The following GNL3 variants were observed in gnomAD, a reference collection of about 807,000 sequenced individuals.
GNL3 encodes the protein guanine nucleotide-binding protein-like 3.
GNL3 carries 77 observed loss-of-function variants against 70.6 expected under a neutral mutation model. The ratio of observed to expected loss-of-function variants is 1.09; its 90% CI spans 0.91 to 1.32. The LOEUF is 1.32. GNL3 is among the 40% of genes most tolerant of loss of function. The pLI, the probability that GNL3 is intolerant of heterozygous loss-of-function variation, is 0.00. For synonymous variants in GNL3, 252 were observed against 216.1 expected, an observed-to-expected ratio of 1.17 and a Z score of -1.46; for missense variants, 634 against 644.0, an observed-to-expected ratio of 0.98 and a Z score of 0.17.
intron 8 of GNL3, 26 bp downstream of exon 8, chr3:52,691,097 C>CT: frequency 4.4e-6 from 7 of 1,605,298 alleles, no homozygotes; most frequent in Non-Finnish European, 6.0e-6. Context: ...TTACTTTTTA[C>CT]TTTTTAAGTG....
rs201972070 is a variant in GNL3, at chr3:52,690,931, A to G, written c.655-14A>G. 8.1e-6 allele frequency: 13 copies of G among 1,613,336 alleles called. No homozygotes were observed. The highest frequency in any genetic ancestry group is 9.3e-6 in the Non-Finnish European group (11 of 1,179,390). On this transcript the variant is annotated splice_polypyrimidine_tract_variant and intron_variant, in intron 7 of 14. Transcript: ENST00000418458. ...GGTAAGTTGCCAGAATAATTCAACT[A>G]TTTGGAATTTTAGCGTGTGAAGGCA...
intron 4 of GNL3, 63 bp from the exon 5 acceptor site, chr3:52,688,046 T>C (rs1201374788): frequency 2.2e-6 from 2 of 895,636 alleles, no homozygotes; most frequent in East Asian, 2.4e-5. Context: ...CTGTGGAAAA[T>C]GGAGTTAGAG....
upstream of GNL3, chr3:52,686,020 G>A: frequency 2.5e-6 from 2 of 811,434 alleles, no homozygotes; most frequent in Non-Finnish European, 4.5e-6. Context: ...CGTGACGCTC[G>A]TCAGTGGCTT....
rs1235004779 is a variant in GNL3 at position 52,693,050 on chromosome 3, A to G, written c.1044+4A>G. On this transcript the variant is annotated splice_donor_region_variant and intron_variant, in intron 10 of 14. Coordinates refer to ENST00000418458, the MANE Select transcript of GNL3 (RefSeq NM_014366.5). ...TTCCCAGGCTGATGCTCGACAGGTA[A>G]AAGGACCCCTTCTCATGAGCTCCTT... 6.2e-7 allele frequency: 1 copy of G among 1,613,948 alleles called. No homozygotes were observed. Among genetic ancestry groups the G allele is most frequent in the South Asian group, 1.1e-5 (1 of 91,076 alleles).
At position 52,687,630 on chromosome 3, in the gene GNL3, C is replaced by CTT. The variant is rs758090017; in HGVS notation, c.324+17_324+18dup. On this transcript the variant is annotated intron_variant, in intron 4 of 14. Coordinates refer to ENST00000418458, the MANE Select transcript of GNL3 (RefSeq NM_014366.5). The stretch of plus-strand genomic sequence containing the variant: ...CTATGGAAAAGGTATGATTAGGTCT[C>CTT]TTTATGAATGAGAGATCAGGGGTTT... The CTT allele has an allele frequency of 3.4e-6, 5 of 1,458,210 alleles. No individual in the cohort carries two copies. The South Asian group carries it at 4.6e-5, about 13-fold the overall frequency. The allele number at this position is 1,458,210 out of a possible 1,614,324, so 90.3% of individuals were successfully genotyped here.
intron 2 of GNL3, 155 bp from the exon 3 acceptor site, chr3:52,687,091 C>T (rs983124480): frequency 3.0e-6 from 2 of 670,326 alleles, no homozygotes; most frequent in Non-Finnish European, 5.2e-6. Flanking sequence ...TTTATACTTA[C>T]ATATGCATTA....
At position 52,691,613 on chromosome 3, in the gene GNL3, T is replaced by G. The variant is rs753997702; in HGVS notation, c.853T>G (p.Ser285Ala). 6 of 1,569,530 alleles carry G rather than the reference T, an allele frequency of 3.8e-6. No homozygotes were observed. Among genetic ancestry groups the G allele is most frequent in the Non-Finnish European group, 5.3e-6 (6 of 1,139,576 alleles). Residue 285 changes from serine (S) to alanine (A), a missense_variant, in exon 9 of 15, where the codon TCC (serine) becomes GCC (alanine). Ser to Ala is a moderately conservative substitution (Grantham distance 99, BLOSUM62 1). Transcript: ENST00000418458. ...KQEQMCNVGV[S>A]MGLTRSMQVV... Reference sequence around the variant, plus strand: ...AGAACAGATGTGTAATGTTGGTGTATCCATGGGGCTTACAAGGTAAATGGA... The same window carrying G: ...AGAACAGATGTGTAATGTTGGTGTAGCCATGGGGCTTACAAGGTAAATGGA...
At chr3:52,694,139 T>C in intron 14 of GNL3, 36 bp downstream of exon 14, 1 of 1,591,484 alleles carries the variant, frequency 6.3e-7, no homozygotes, top group East Asian at 2.2e-5. Flanking sequence ...CGAAGCAGCA[T>C]GGTATAGAAT....
chr3:52,693,405 C>T lies in GNL3; in HGVS notation c.1188-3C>T. On this transcript the variant is annotated splice_region_variant and splice_polypyrimidine_tract_variant and intron_variant, in intron 11 of 14. Coordinates refer to ENST00000418458, the MANE Select transcript of GNL3 (RefSeq NM_014366.5). ...TTTTGACACATCTTATTTTTAATAT[C>T]AGTGCCTCATTAGCTTACTATTGCC... 1 of 1,613,962 alleles carries T rather than the reference C, an allele frequency of 6.2e-7. No individual in the cohort carries two copies. Among genetic ancestry groups the T allele is most frequent in the Non-Finnish European group, 8.5e-7 (1 of 1,179,880 alleles).
chr3:52,692,106 CAGAT>C (rs1178875222), intron 9 of GNL3, among the ~76,000 whole-genome samples: 5 of 152,170 alleles, frequency 3.3e-5, no homozygotes, highest in Admixed American at 2.0e-4. Flanking sequence ...ACAAGTTCAG[CAGAT>C]AGATTGAGAG....
In GNL3 at chr3:52,692,369, A is replaced by ACTTTTTTTT. The variant is rs71087009; in HGVS notation, c.870-503_870-502insCTTTTTTTT. Among the ~76,000 whole-genome samples, 63 of 126,366 alleles carry ACTTTTTTTT rather than the reference A, an allele frequency of 5.0e-4. 1 individual carries two copies. Among genetic ancestry groups the ACTTTTTTTT allele is most frequent in the Admixed American group, 9.0e-4 (10 of 11,124 alleles). The allele number at this position is 126,366 out of a possible 152,430, so 82.9% of individuals were successfully genotyped here. A position where few individuals can be genotyped will look rare whatever the true frequency, so the allele number is the denominator to read the frequency against. Reference sequence around the variant, plus strand: ...GCCACTGTGCCTGGCCAACTTTTAGATTTTTTTTTTTTGGGAGATGGAGTC... The same window carrying ACTTTTTTTT: ...GCCACTGTGCCTGGCCAACTTTTAGACTTTTTTTTTTTTTTTTTTTTGGGAGATGGAGTC... On this transcript the variant is annotated intron_variant, in intron 9 of 14. Transcript: ENST00000418458.
Position 52,691,528 on chromosome 3 carries a change from C to T in GNL3, c.782-14C>T, listed in dbSNP as rs377659124. 171 of 1,446,406 alleles carry T rather than the reference C, an allele frequency of 1.2e-4. No homozygotes were observed. Among genetic ancestry groups the T allele is most frequent in the Non-Finnish European group, 1.5e-4 (150 of 1,031,444 alleles). 89.6% of individuals were successfully genotyped at this position (1,446,406 alleles called of 1,614,324 possible). A position where few individuals can be genotyped will look rare whatever the true frequency, so the allele number is the denominator to read the frequency against. On this transcript the variant is annotated splice_polypyrimidine_tract_variant and intron_variant, in intron 8 of 14. Coordinates refer to ENST00000418458, the MANE Select transcript of GNL3 (RefSeq NM_014366.5). ...ATAATGCTTTTTATATCTGGATTTC[C>T]CATTTATTTGTAGGTTTCCCAAATG... is the stretch of plus-strand genomic sequence containing the variant.
At chr3:52,686,926 G>A in intron 2 of GNL3, 99 bp downstream of exon 2, 1 of 907,368 alleles carries the variant, frequency 1.1e-6, no homozygotes, top group Non-Finnish European at 1.8e-6. Flanking sequence ...ATTTGGTTTT[G>A]GGAAATGGCA....
chr3:52,686,050 G>C lies in GNL3; in HGVS notation c.-43G>C, dbSNP rs1480625769. The C allele has an allele frequency of 1.1e-6, 1 of 926,544 alleles. No individual in the cohort carries two copies. Among genetic ancestry groups the C allele is most frequent in the Non-Finnish European group, 1.8e-6 (1 of 551,284 alleles). The allele number at this position is 926,544 out of a possible 1,614,324, so 57.4% of individuals were successfully genotyped here. A position where few individuals can be genotyped will look rare whatever the true frequency, so the allele number is the denominator to read the frequency against. On this transcript the variant is annotated 5_prime_UTR_variant, in exon 1 of 15. Coordinates refer to ENST00000418458, the MANE Select transcript of GNL3 (RefSeq NM_014366.5). ...TGGCTTCAGTTCACACGTGGCGCCA[G>C]CGGAGGCAGGTTGATGTGTTTGTGC...
chr3:52,686,507 GT>G, intron 1 of GNL3: 1 of 572,824 alleles, frequency 1.7e-6, no homozygotes, highest in Non-Finnish European at 3.1e-6. Context: ...AGTGGTTGTC[GT>G]TTTGTGTCTC....
intron 9 of GNL3, chr3:52,692,668 A>G (rs1364172932): frequency 5.5e-6 from 4 of 722,626 alleles, no homozygotes; most frequent in South Asian, 4.1e-5. Flanking sequence ...TGGTTGATGT[A>G]AATATATAAG....
At chr3:52,691,427 A>C in intron 8 of GNL3, 115 bp from the exon 9 acceptor site, 1 of 706,600 alleles carries the variant, frequency 1.4e-6, no homozygotes, top group Non-Finnish European at 2.5e-6. Flanking sequence ...GAAGACACTG[A>C]GATCCAACTC....
At chr3:52,692,622 G>A (rs1213232540) in intron 9 of GNL3, 1 of 568,970 alleles carries the variant, frequency 1.8e-6, no homozygotes, top group Non-Finnish European at 3.4e-6. Flanking sequence ...CAGCCAGAAG[G>A]TGGCATATTT....
At chr3:52,686,019 C>T, upstream of GNL3, 3 of 808,092 alleles carry the variant, frequency 3.7e-6, no homozygotes, top group Non-Finnish European at 4.5e-6. Flanking sequence ...GCGTGACGCT[C>T]GTCAGTGGCT....
Sources: gnomAD v4.1 joint callset for allele counts (sites outside exome capture counted in the v4.1 genomes callset) on GRCh38, gnomAD v4.1.1 for gene constraint, MANE v1.5 for transcripts, NCBI Gene and HGNC (gene_info 2026-07-23, HGNC 2026-07-21) for gene names.